WDR41: variants seen among roughly 807,000 people sequenced by gnomAD.
WDR41 encodes the protein WD repeat domain 41.
WDR41 carries 63 observed loss-of-function variants against 69.3 expected under a neutral mutation model. The observed-to-expected ratio is 0.91, with a 90% CI of 0.74 to 1.12. WDR41 has a LOEUF of 1.12. Among genes scored for constraint, WDR41 ranks in the 50% most tolerant of loss-of-function variants. The pLI, the probability that WDR41 is intolerant of heterozygous loss-of-function variation, is 0.00. For missense variants in WDR41, 543 were observed against 534.5 expected (o/e 1.02, Z -0.16); for synonymous variants, 185 against 192.1 (o/e 0.96, Z 0.31).
In WDR41 at chr5:77,432,928, T is replaced by G; in HGVS notation, c.*207A>C. 1 of 477,914 alleles carries G rather than the reference T, an allele frequency of 2.1e-6. No individual in the cohort carries two copies. Among genetic ancestry groups the G allele is most frequent in the Non-Finnish European group, 3.6e-6 (1 of 277,798 alleles). 29.6% of individuals were successfully genotyped at this position (477,914 alleles called of 1,614,324 possible). Reference sequence around the variant, plus strand: ...GCAGCTCAAAGTCAAATGGAAAAACTTGTGGTATATTCTTTGGAGGATATA... The same window carrying G: ...GCAGCTCAAAGTCAAATGGAAAAACGTGTGGTATATTCTTTGGAGGATATA... On this transcript the variant is annotated 3_prime_UTR_variant, in exon 13 of 13. Transcript: ENST00000296679.
chr5:77,599,197 C>CTTTTTTTTTT (rs34759217), intron 1 of WDR41, among the ~76,000 whole-genome samples: 5 of 76,214 alleles, frequency 6.6e-5, no homozygotes, highest in Non-Finnish European at 9.5e-5. Flanking sequence ...ATCGGAAGCT[C>CTTTTTTTTTT]TTTTTTTTTT....
chr5:77,612,283 C>T (rs1744570780), intron 1 of WDR41, among the ~76,000 whole-genome samples: 1 of 152,202 alleles, frequency 6.6e-6, no homozygotes, highest in Non-Finnish European at 1.5e-5. Context: ...TCCTTCCTAA[C>T]TAATTTTATG....
chr5:77,567,341 C>T (rs911742224), intron 1 of WDR41, among the ~76,000 whole-genome samples: 1 of 152,056 alleles, frequency 6.6e-6, no homozygotes, highest in African/African-American at 2.4e-5. Flanking sequence ...TTCTATACAT[C>T]TCCTAGCATT....
chr5:77,473,146 T>C (rs1210540677), intron 2 of WDR41, among the ~76,000 whole-genome samples: 1 of 152,180 alleles, frequency 6.6e-6, no homozygotes, highest in Non-Finnish European at 1.5e-5. Flanking sequence ...GCCGCATATC[T>C]ACAACCATCT....
chr5:77,462,423 A>AAAC (rs1554110737), intron 4 of WDR41, among the ~76,000 whole-genome samples: 4 of 151,440 alleles, frequency 2.6e-5, no homozygotes, highest in African/African-American at 9.7e-5. Context: ...AAAAAAAAAA[A>AAAC]AAAAGAATTA....
chr5:77,437,540 G>T, intron 10 of WDR41, 116 bp from the exon 11 acceptor site: 3 of 894,956 alleles, frequency 3.4e-6, no homozygotes, highest in South Asian at 1.4e-5. Flanking sequence ...CTCTTAGCAG[G>T]AACTGACAAA....
At chr5:77,489,706 A>G (rs1801683876) in intron 1 of WDR41, 134 bp from the exon 2 acceptor site, 1 of 449,820 alleles carries the variant, frequency 2.2e-6, no homozygotes, top group Non-Finnish European at 3.9e-6. Context: ...TTAAGGTATC[A>G]TGTTCTACTA....
At chr5:77,488,358 T>C (rs1424659628) in intron 2 of WDR41, among the ~76,000 whole-genome samples, 3 of 151,646 alleles carry the variant, frequency 2.0e-5, no homozygotes, top group Admixed American at 2.0e-4. Flanking sequence ...CCCAACACTT[T>C]GGGAGGCCAA....
chr5:77,575,422 G>C (rs1167982289), intron 1 of WDR41, among the ~76,000 whole-genome samples: 1 of 152,198 alleles, frequency 6.6e-6, no homozygotes, highest in Admixed American at 6.5e-5. Context: ...CAGTATTTAA[G>C]CATCCTCCTA....
intron 1 of WDR41, among the ~76,000 whole-genome samples, chr5:77,513,762 A>G (rs1201555678): frequency 1.3e-5 from 2 of 152,170 alleles, no homozygotes; most frequent in African/African-American, 4.8e-5. Context: ...TGCTTTTTAA[A>G]TGTTCATGAG....
At chr5:77,454,812 C>T (rs1344249013) in intron 5 of WDR41, among the ~76,000 whole-genome samples, 5 of 152,024 alleles carry the variant, frequency 3.3e-5, no homozygotes, top group Non-Finnish European at 7.4e-5. Flanking sequence ...GTGGTCCTAC[C>T]CTGTCTAATC....
Position 77,489,445 on chromosome 5 carries a change from A to G in WDR41, c.167+12T>C. On this transcript the variant is annotated intron_variant, in intron 2 of 12. Transcript: ENST00000296679. ...CCAAACAATAGTCAATTAGACCACT[A>G]TAGCTTCTTACCTGTAGTCATCTAA... 4 of 1,537,764 alleles carry G rather than the reference A, an allele frequency of 2.6e-6. No individual in the cohort carries two copies. The highest frequency in any genetic ancestry group is 1.2e-5 in the South Asian group (1 of 82,680).
chr5:77,538,916 G>A (rs2112220760), intron 1 of WDR41, among the ~76,000 whole-genome samples: 1 of 152,184 alleles, frequency 6.6e-6, no homozygotes, highest in South Asian at 2.1e-4. Flanking sequence ...GTGAGTTTGG[G>A]CTACTATAAC....
upstream of WDR41, among the ~76,000 whole-genome samples, chr5:77,494,948 G>C (rs1801915860): frequency 6.6e-6 from 1 of 152,076 alleles, no homozygotes; most frequent in Non-Finnish European, 1.5e-5. Flanking sequence ...ATCACACAAA[G>C]TATCTTCTCT....
At chr5:77,545,561 T>G in intron 1 of WDR41, 1 of 269,418 alleles carries the variant, frequency 3.7e-6, no homozygotes, top group Non-Finnish European at 7.1e-6. Flanking sequence ...TGGATGCCCA[T>G]CACCAAGCTG....
At chr5:77,504,601 C>A (rs1189566239) in intron 1 of WDR41, among the ~76,000 whole-genome samples, 2 of 152,086 alleles carry the variant, frequency 1.3e-5, no homozygotes, top group Middle Eastern at 3.4e-3. Context: ...ATATCCCTGA[C>A]GAACATCGAT....
At chr5:77,538,382 AATG>A (rs1743027533) in intron 1 of WDR41, among the ~76,000 whole-genome samples, 1 of 152,158 alleles carries the variant, frequency 6.6e-6, no homozygotes, top group East Asian at 1.9e-4. Flanking sequence ...TTGGGGTACA[AATG>A]ATCCTGTCAC....
chr5:77,585,532 A>T (rs1744022539), intron 1 of WDR41, among the ~76,000 whole-genome samples: 1 of 152,228 alleles, frequency 6.6e-6, no homozygotes, highest in Non-Finnish European at 1.5e-5. Flanking sequence ...ATTAATGTTT[A>T]TAGCAGCACA....
At chr5:77,459,035 A>G (rs778565575) in intron 5 of WDR41, 27 bp downstream of exon 5, 1 of 1,516,390 alleles carries the variant, frequency 6.6e-7, no homozygotes, top group Non-Finnish European at 9.0e-7. Flanking sequence ...GATTGTCATA[A>G]AAACTCATAT....
Sources: allele counts gnomAD v4.1 joint callset (sites outside exome capture counted in the v4.1 genomes callset), GRCh38; gene constraint gnomAD v4.1.1; transcripts MANE v1.5; gene names NCBI Gene and HGNC (gene_info 2026-07-23, HGNC 2026-07-21).